Variants in DOCK1 observed in about 807,000 individuals in gnomAD.
The protein encoded by DOCK1 is dedicator of cytokinesis 1.
Under a neutral mutation model 262.7 loss-of-function variants are expected in DOCK1, and 138 were observed. That is an observed-to-expected ratio of 0.53 (90% CI 0.46 to 0.61). DOCK1 has a LOEUF of 0.61. Among genes scored for constraint, DOCK1 ranks in the 20% least tolerant of loss-of-function variants. DOCK1 has a pLI of 0.00. For missense variants in DOCK1, 1,908 were observed against 2,370.7 expected, an observed-to-expected ratio of 0.80 and a Z score of 4.05; for synonymous variants, 866 against 867.4, an observed-to-expected ratio of 1.00 and a Z score of 0.03.
At chr10:127,096,251 A>G (rs572328898) in intron 23 of DOCK1, among the ~76,000 whole-genome samples, 1 of 152,228 alleles carries the variant, frequency 6.6e-6, no homozygotes, top group East Asian at 1.9e-4. Flanking sequence ...GCCTCCGACC[A>G]TCACGTCCAG....
Position 127,031,653 on chromosome 10 carries a change from A to G in DOCK1, c.1628A>G (p.Lys543Arg), listed in dbSNP as rs920079674. 2 of 1,606,378 alleles carry G rather than the reference A, an allele frequency of 1.2e-6. No individual in the cohort carries two copies. The highest frequency in any genetic ancestry group is 1.7e-6 in the Non-Finnish European group (2 of 1,178,256). Residue 543 changes from lysine to arginine, a missense_variant, in exon 17 of 52, where the codon AAG (lysine) becomes AGG (arginine). By Grantham distance (26) the Lys-to-Arg change is conservative. Coordinates refer to ENST00000623213, the MANE Select transcript of DOCK1 (RefSeq NM_001290223.2). ...TTTTTTGTTTTTTGTTTTACAGCTA[A>G]GGATAAATCTGAGAAAATATTTGCA... ...TFRHRSSQDS[K>R]DKSEKIFALA... is the part of the protein sequence containing the mutation.
intron 38 of DOCK1, among the ~76,000 whole-genome samples, chr10:127,386,139 C>A (rs1017621893): frequency 6.6e-6 from 1 of 152,272 alleles, no homozygotes; most frequent in African/African-American, 2.4e-5. Context: ...CCCGTGGTCA[C>A]GAGCTTGGGA....
chr10:127,112,373 A>C (rs1018422055), intron 25 of DOCK1, among the ~76,000 whole-genome samples: 1 of 152,140 alleles, frequency 6.6e-6, no homozygotes, highest in African/African-American at 2.4e-5. Context: ...AGCTTGAAGG[A>C]AACTTACTGT....
intron 1 of DOCK1, among the ~76,000 whole-genome samples, chr10:126,912,235 C>A (rs564801462): frequency 7.0e-4 from 106 of 152,170 alleles, no homozygotes; most frequent in African/African-American, 2.1e-3. Context: ...TAGAGACCAG[C>A]CTGGCCAATA....
chr10:126,990,646 T>C (rs755364312), intron 6 of DOCK1, 43 bp downstream of exon 6: 4 of 1,599,816 alleles, frequency 2.5e-6, no homozygotes, highest in South Asian at 2.3e-5. Context: ...AATTATCCAA[T>C]GTAATAACAT....
chr10:127,081,398 TC>T, intron 23 of DOCK1, among the ~76,000 whole-genome samples: 1 of 152,016 alleles, frequency 6.6e-6, no homozygotes, highest in East Asian at 1.9e-4. Flanking sequence ...GTTTGAGACT[TC>T]CTGCCTTTAG....
chr10:127,368,632 G>A (rs1391165089), intron 33 of DOCK1, among the ~76,000 whole-genome samples: 1 of 152,036 alleles, frequency 6.6e-6, no homozygotes, highest in Middle Eastern at 3.2e-3. Flanking sequence ...AGAGGCATTG[G>A]GGTCTTCGCG....
rs187526372 is a variant in DOCK1, at chr10:127,377,853, C to G, written c.3676-2229C>G. Among the ~76,000 whole-genome samples the G allele has an allele frequency of 3.0e-3, 437 of 144,466 alleles. 2 individuals carry two copies. The highest frequency in any genetic ancestry group is 9.3e-3 in the Admixed American group (128 of 13,834). The allele number at this position is 144,466 out of a possible 152,430, so 94.8% of individuals were successfully genotyped here. On this transcript the variant is annotated intron_variant, in intron 35 of 51. Transcript: ENST00000623213. Reference sequence around the variant, plus strand: ...GTTGCAGTGAGCCTAGATCACACCACTGCACTCCAGCCTGGGCAACAGAGG... The same window carrying G: ...GTTGCAGTGAGCCTAGATCACACCAGTGCACTCCAGCCTGGGCAACAGAGG...
At chr10:127,063,313 C>G (rs1234310833) in intron 23 of DOCK1, among the ~76,000 whole-genome samples, 1 of 152,108 alleles carries the variant, frequency 6.6e-6, no homozygotes, top group Admixed American at 6.5e-5. Context: ...GCCATATGCC[C>G]TGGAACAAAG....
At chr10:126,915,560 A>T (rs1024290739) in intron 1 of DOCK1, among the ~76,000 whole-genome samples, 1 of 152,126 alleles carries the variant, frequency 6.6e-6, no homozygotes, top group African/African-American at 2.4e-5. Context: ...CTGGGATTAC[A>T]GGTGTGCACC....
chr10:127,351,061 GA>G (rs199583607), intron 31 of DOCK1, among the ~76,000 whole-genome samples: 1,679 of 152,288 alleles, frequency 0.011, 16 homozygotes, highest in Middle Eastern at 0.048. Context: ...CCCCAAGCCT[GA>G]GCTATCACTC....
chr10:127,107,359 G>T (rs2136226547), intron 24 of DOCK1, among the ~76,000 whole-genome samples: 1 of 152,258 alleles, frequency 6.6e-6, no homozygotes, highest in Non-Finnish European at 1.5e-5. Flanking sequence ...TCGTGCCCTG[G>T]AATTGAAGGG....
intron 1 of DOCK1, among the ~76,000 whole-genome samples, chr10:126,908,571 T>A (rs1190029347): frequency 6.6e-6 from 1 of 152,202 alleles, no homozygotes; most frequent in East Asian, 1.9e-4. Context: ...GATACTTCAG[T>A]TGTATATTTA....
At position 126,995,913 on chromosome 10, in the gene DOCK1, C is replaced by G. The variant is rs961848529; in HGVS notation, c.474-835C>G. 1.3e-5 allele frequency among the ~76,000 whole-genome samples: 2 copies of G among 152,126 alleles called. No individual in the cohort carries two copies. Among genetic ancestry groups the G allele is most frequent in the Admixed American group, 6.5e-5 (1 of 15,272 alleles). On this transcript the variant is annotated intron_variant, in intron 6 of 51. Coordinates refer to ENST00000623213, the MANE Select transcript of DOCK1 (RefSeq NM_001290223.2). This position sits in a 1 kb window ranked among gnomAD's most constrained non-coding sequence, Gnocchi z 5.8. ...TAGAAGGGGAGACATGCAGGGATCC[C>G]TATTGGGGTCAGTGGGGAGTAAAAA...
At chr10:127,307,854 G>A (rs1226739380) in intron 29 of DOCK1, among the ~76,000 whole-genome samples, 1 of 152,182 alleles carries the variant, frequency 6.6e-6, no homozygotes, top group Non-Finnish European at 1.5e-5. Context: ...AAGGCTCCCC[G>A]TCTCTCCTGT....
At chr10:127,278,737 T>G (rs1298711372) in intron 29 of DOCK1, among the ~76,000 whole-genome samples, 1 of 152,210 alleles carries the variant, frequency 6.6e-6, no homozygotes, top group East Asian at 1.9e-4. Context: ...ATGTGTTGTT[T>G]CTTGGCAAAA....
chr10:127,142,250 G>A lies in DOCK1; in HGVS notation c.2847+14486G>A, dbSNP rs80207270. On this transcript the variant is annotated intron_variant, in intron 27 of 51. Coordinates refer to ENST00000623213, the MANE Select transcript of DOCK1 (RefSeq NM_001290223.2). Reference sequence around the variant, plus strand: ...CAGGGGCTCATTCTACAGCCACACGGGCACGTGGGAAGCCGGGGCTCCAAA... The same window carrying A: ...CAGGGGCTCATTCTACAGCCACACGAGCACGTGGGAAGCCGGGGCTCCAAA... 5.3e-4 allele frequency among the ~76,000 whole-genome samples: 80 copies of A among 152,328 alleles called. No homozygotes were observed. The East Asian group carries it at 9.9e-3, about 19-fold the overall frequency.
chr10:127,362,285 T>C (rs1590693441), intron 33 of DOCK1, 73 bp downstream of exon 33: 1 of 1,528,156 alleles, frequency 6.5e-7, no homozygotes, highest in Non-Finnish European at 8.8e-7. Context: ...CAAAGAAACC[T>C]GTAGACAGTT....
At chr10:126,996,939 A>G in intron 7 of DOCK1, 56 bp downstream of exon 7, 3 of 1,499,392 alleles carry the variant, frequency 2.0e-6, no homozygotes, top group Admixed American at 4.8e-5. Flanking sequence ...AGTTTTCAAC[A>G]TTAGTAAAGT....
Sources: gnomAD v4.1 joint callset for allele counts (sites outside exome capture counted in the v4.1 genomes callset) on GRCh38, gnomAD v4.1.1 for gene constraint, Gnocchi (gnomAD v3.1) non-coding constraint, MANE v1.5 for transcripts, NCBI Gene and HGNC (gene_info 2026-07-23, HGNC 2026-07-21) for gene names.